ITGB3: variants seen among roughly 807,000 people sequenced by gnomAD.
The protein encoded by ITGB3 is integrin subunit beta 3.
Under a neutral mutation model 85.8 loss-of-function variants are expected in ITGB3, and 48 were observed. The ratio of observed to expected loss-of-function variants is 0.56; its 90% CI spans 0.44 to 0.71. ITGB3 has a LOEUF of 0.71. Among genes scored for constraint, ITGB3 ranks in the 30% least tolerant of loss-of-function variants. ITGB3 has a pLI of 0.00. For synonymous variants in ITGB3, 363 were observed against 395.6 expected (o/e 0.92, Z 0.98); for missense variants, 861 against 1,019.1 (o/e 0.84, Z 2.11).
At chr17:47,266,511 C>A (rs952369831) in intron 1 of ITGB3, among the ~76,000 whole-genome samples, 1 of 152,198 alleles carries the variant, frequency 6.6e-6, no homozygotes, top group Non-Finnish European at 1.5e-5. Context: ...ATGTGCCAAA[C>A]CACAGCCTTC....
At chr17:47,288,117 G>A (rs1289080022) in intron 6 of ITGB3, among the ~76,000 whole-genome samples, 2 of 151,000 alleles carry the variant, frequency 1.3e-5, no homozygotes, top group Non-Finnish European at 2.9e-5. Flanking sequence ...CAAACTCCTT[G>A]GCTTAAGCAA....
chr17:47,277,195 C>T (rs538006032), intron 2 of ITGB3, among the ~76,000 whole-genome samples: 4 of 152,286 alleles, frequency 2.6e-5, no homozygotes, highest in African/African-American at 7.2e-5. Context: ...TACAGAGACT[C>T]AACGCGTAGT....
intron 10 of ITGB3, among the ~76,000 whole-genome samples, chr17:47,293,834 T>C (rs2065136395): frequency 6.6e-6 from 1 of 152,138 alleles, no homozygotes; most frequent in African/African-American, 2.4e-5. Flanking sequence ...TCTCGATCTC[T>C]TGACCTCGTG....
chr17:47,303,303 G>A (rs550858270), intron 13 of ITGB3, among the ~76,000 whole-genome samples: 12 of 152,044 alleles, frequency 7.9e-5, no homozygotes, highest in African/African-American at 1.7e-4. Flanking sequence ...GTTAGGGACC[G>A]TCATCTGGGT....
Position 47,253,858 on chromosome 17 carries a change from C to G in ITGB3, c.-4C>G. 6 of 1,228,862 alleles carry G rather than the reference C, an allele frequency of 4.9e-6. No homozygotes were observed. The highest frequency in any genetic ancestry group is 5.1e-6 in the Non-Finnish European group (5 of 986,486). The allele number at this position is 1,228,862 out of a possible 1,614,324, so 76.1% of individuals were successfully genotyped here. On this transcript the variant is annotated 5_prime_UTR_variant, in exon 1 of 15. Coordinates refer to ENST00000559488, the MANE Select transcript of ITGB3 (RefSeq NM_000212.3). ...CGGGCGGAGCGCCGCGGGAGGCGGA[C>G]GAGATGCGAGCGCGGCCGCGGCCCC...
At chr17:47,304,258 A>G (rs182541616) in intron 13 of ITGB3, among the ~76,000 whole-genome samples, 69 of 152,252 alleles carry the variant, frequency 4.5e-4, no homozygotes, top group Non-Finnish European at 7.4e-4. Flanking sequence ...CCCAGCTCCA[A>G]TCATTTCCTG....
At position 47,313,645 on chromosome 17, in the gene ITGB3, G is replaced by A. The variant is rs993229571; in HGVS notation, c.*3441G>A. The stretch of plus-strand genomic sequence containing the variant: ...ATTACAGGCGTGAGCCACTGCCCCC[G>A]GCTGTGGTTGAAATTTCTTAAGTGC... On this transcript the variant is annotated 3_prime_UTR_variant, in exon 15 of 15. Transcript: ENST00000559488. Among the ~76,000 whole-genome samples the A allele has an allele frequency of 2.0e-5, 3 of 152,082 alleles. No individual in the cohort carries two copies. Among genetic ancestry groups the A allele is most frequent in the African/African-American group, 7.2e-5 (3 of 41,396 alleles).
At chr17:47,287,505 G>A (rs528995002) in intron 6 of ITGB3, among the ~76,000 whole-genome samples, 1 of 152,236 alleles carries the variant, frequency 6.6e-6, no homozygotes, top group East Asian at 1.9e-4. Context: ...TGGACCCAAA[G>A]GATTTTTACA....
intron 14 of ITGB3, among the ~76,000 whole-genome samples, chr17:47,309,808 TGTCTTGA>T (rs1386425100): frequency 6.7e-6 from 1 of 149,906 alleles, no homozygotes; most frequent in Non-Finnish European, 1.5e-5. Flanking sequence ...GGTGGGAGGA[TGTCTTGA>T]GTCAGGGGAG....
intron 13 of ITGB3, 37 bp downstream of exon 13, chr17:47,302,877 G>A: frequency 1.2e-6 from 2 of 1,612,372 alleles, no homozygotes; most frequent in East Asian, 2.2e-5. Context: ...CCTGCCCCAG[G>A]AGGGAGAGGG....
Position 47,311,697 on chromosome 17 carries a change from G to A in ITGB3, c.*1493G>A, listed in dbSNP as rs2143162472. The A allele has an allele frequency of 6.6e-6, 1 of 152,234 alleles. No homozygotes were observed. The highest frequency in any genetic ancestry group is 1.9e-4 in the East Asian group (1 of 5,164). The allele number at this position is 152,234 out of a possible 1,614,324, so 9.4% of individuals were successfully genotyped here. On this transcript the variant is annotated 3_prime_UTR_variant, in exon 15 of 15. Transcript: ENST00000559488. The stretch of plus-strand genomic sequence containing the variant: ...CATTGGACCTTTCCTGAGGAAGAGG[G>A]ACTGTTCTTTTGTCCCAGAAAAGCA...
chr17:47,254,265 C>T (rs2064979687), intron 1 of ITGB3, among the ~76,000 whole-genome samples: 1 of 152,030 alleles, frequency 6.6e-6, no homozygotes, highest in African/African-American at 2.4e-5. Context: ...GGGCTGCGCG[C>T]GTCGCGGGTG....
chr17:47,274,976 A>G (rs891925170), intron 2 of ITGB3, among the ~76,000 whole-genome samples: 5 of 152,238 alleles, frequency 3.3e-5, no homozygotes, highest in African/African-American at 7.2e-5. Context: ...GGAATATCCC[A>G]GGGAAGCAGG....
intron 2 of ITGB3, among the ~76,000 whole-genome samples, chr17:47,280,577 G>A (rs2065080327): frequency 1.3e-5 from 2 of 152,154 alleles, no homozygotes; most frequent in Admixed American, 1.3e-4. Context: ...GGGTGGTCCG[G>A]AACTCCTGAG....
At chr17:47,282,922 A>T (rs1393050965) in intron 2 of ITGB3, among the ~76,000 whole-genome samples, 1 of 152,204 alleles carries the variant, frequency 6.6e-6, no homozygotes, top group African/African-American at 2.4e-5. Context: ...GATGGTTGAC[A>T]CCTGCTAAAT....
At position 47,310,373 on chromosome 17, in the gene ITGB3, G is replaced by T; in HGVS notation, c.*169G>T. The T allele has an allele frequency of 1.4e-6, 1 of 703,070 alleles. No individual in the cohort carries two copies. The highest frequency in any genetic ancestry group is 2.6e-6 in the Non-Finnish European group (1 of 387,470). 43.6% of individuals were successfully genotyped at this position (703,070 alleles called of 1,614,324 possible). ...GTGTGGGTCTGTGTGTGTGTATGTG[G>T]GGGTCTGTGTGTTTATGTGTGTGTG... On this transcript the variant is annotated 3_prime_UTR_variant, in exon 15 of 15. Coordinates refer to ENST00000559488, the MANE Select transcript of ITGB3 (RefSeq NM_000212.3).
Position 47,292,270 on chromosome 17 carries a change from GGCCCAA to G in ITGB3, c.1395_1400del (p.Gln466_Ala467del). On this transcript the variant is annotated inframe_deletion, in exon 10 of 15. Transcript: ENST00000559488. ...CCTTTGATTGTGACTGTGCCTGCCA[GGCCCAA>G]GCTGAACCTAATAGCCATCGCTGCA... 1 of 1,614,198 alleles carries G rather than the reference GGCCCAA, an allele frequency of 6.2e-7. No individual in the cohort carries two copies. The highest frequency in any genetic ancestry group is 2.2e-5 in the East Asian group (1 of 44,882).
At chr17:47,266,407 A>C (rs1751083931) in intron 1 of ITGB3, among the ~76,000 whole-genome samples, 1 of 152,242 alleles carries the variant, frequency 6.6e-6, no homozygotes, top group East Asian at 1.9e-4. Context: ...TTGACGCATT[A>C]TGACTTCCAC....
At chr17:47,288,745 C>G (rs2065113970) in intron 6 of ITGB3, among the ~76,000 whole-genome samples, 1 of 152,224 alleles carries the variant, frequency 6.6e-6, no homozygotes, top group Non-Finnish European at 1.5e-5. Flanking sequence ...ATGCAAGGCA[C>G]TGGGCCAGGG....
Sources: gnomAD v4.1 joint callset for allele counts (sites outside exome capture counted in the v4.1 genomes callset) on GRCh38, gnomAD v4.1.1 for gene constraint, MANE v1.5 for transcripts, NCBI Gene and HGNC (gene_info 2026-07-23, HGNC 2026-07-21) for gene names.